SLC2A9: variants seen among roughly 807,000 people sequenced by gnomAD.
SLC2A9 encodes solute carrier family 2, facilitated glucose transporter member 9.
Under a neutral mutation model 50.6 loss-of-function variants are expected in SLC2A9, and 39 were observed. That is an observed-to-expected ratio of 0.77 (90% confidence interval 0.60 to 1.01). SLC2A9 has a LOEUF of 1.01. SLC2A9 is among the 50% of genes least tolerant of loss of function. The pLI, the probability that SLC2A9 is intolerant of heterozygous loss-of-function variation, is 0.00. For synonymous variants in SLC2A9, 324 were observed against 276.9 expected (o/e 1.17, Z -1.69); for missense variants, 686 against 677.6 (o/e 1.01, Z -0.14).
At chr4:9,861,197 C>T (rs796838930) in intron 10 of SLC2A9, among the ~76,000 whole-genome samples, 10 of 152,074 alleles carry the variant, frequency 6.6e-5, no homozygotes, top group African/African-American at 1.7e-4. Flanking sequence ...TCAGCTTCTG[C>T]GGAGGTCTCA....
At chr4:9,942,246 G>A (rs1748292711) in intron 5 of SLC2A9, among the ~76,000 whole-genome samples, 1 of 152,218 alleles carries the variant, frequency 6.6e-6, no homozygotes, top group African/African-American at 2.4e-5. Context: ...TGAGTCCAGA[G>A]ACTCCTCAAG....
chr4:9,793,699 T>C (rs1720249439), intron 3 of SLC2A9, among the ~76,000 whole-genome samples: 1 of 152,178 alleles, frequency 6.6e-6, no homozygotes, highest in Admixed American at 6.5e-5. Context: ...GGTTTTGGTA[T>C]TTCATGAAAG....
Position 9,959,383 on chromosome 4 carries a change from G to A in SLC2A9, c.682-17338C>T, listed in dbSNP as rs75420610. 1.6e-3 allele frequency among the ~76,000 whole-genome samples: 212 copies of A among 128,724 alleles called. No homozygotes were observed. The East Asian group carries it at 0.02, about 12-fold the overall frequency. 84.4% of individuals were successfully genotyped at this position (128,724 alleles called of 152,430 possible). A position where few individuals can be genotyped will look rare whatever the true frequency, so the allele number is the denominator to read the frequency against. ...CTGCACTCTAGCCTCGGAGATACACGAAACTCTGTCTCAAAAAAAAAAAAA... is the reference window on the plus strand; with the variant it reads ...CTGCACTCTAGCCTCGGAGATACACAAAACTCTGTCTCAAAAAAAAAAAAA... On this transcript the variant is annotated intron_variant, in intron 5 of 11. Transcript: ENST00000264784.
chr4:9,892,372 G>T (rs955046019), intron 8 of SLC2A9, among the ~76,000 whole-genome samples: 1 of 152,192 alleles, frequency 6.6e-6, no homozygotes, highest in African/African-American at 2.4e-5. Flanking sequence ...AAGCATCCAA[G>T]ACTTCTGGTC....
In SLC2A9 at chr4:9,942,062, T is replaced by C. The variant is rs1486858440; in HGVS notation, c.682-17A>G. On this transcript the variant is annotated splice_polypyrimidine_tract_variant and intron_variant, in intron 5 of 11. Coordinates refer to ENST00000264784, the MANE Select transcript of SLC2A9 (RefSeq NM_020041.3). ...GGTACTCTCCTGTGGGAGAAGGAGA[T>C]GCTGCTGAGTGCAGTGGCCTTTGGT... 2 of 1,613,622 alleles carry C rather than the reference T, an allele frequency of 1.2e-6. No homozygotes were observed. The highest frequency in any genetic ancestry group is 1.7e-6 in the Non-Finnish European group (2 of 1,179,798).
chr4:9,937,758 G>T (rs556156954), intron 6 of SLC2A9, among the ~76,000 whole-genome samples: 1 of 152,238 alleles, frequency 6.6e-6, no homozygotes, highest in African/African-American at 2.4e-5. Context: ...AGCAGGGCCT[G>T]AAGAGCCAGC....
chr4:9,870,776 T>G (rs577162150), intron 10 of SLC2A9, among the ~76,000 whole-genome samples: 9 of 152,328 alleles, frequency 5.9e-5, no homozygotes, highest in Admixed American at 1.3e-4. Flanking sequence ...ACCTAAACTA[T>G]GTGCCATGAG....
At chr4:9,802,618 A>T (rs1577328642) in intron 3 of SLC2A9, among the ~76,000 whole-genome samples, 1 of 146,472 alleles carries the variant, frequency 6.8e-6, no homozygotes, top group South Asian at 2.2e-4. Flanking sequence ...CTGGAGTGCA[A>T]TGGTGTGATC....
At chr4:9,829,949 G>A (rs1237484666) in intron 11 of SLC2A9, among the ~76,000 whole-genome samples, 3 of 152,220 alleles carry the variant, frequency 2.0e-5, no homozygotes, top group Non-Finnish European at 4.4e-5. Flanking sequence ...GTGAAAAACA[G>A]CATGGTGATT....
chr4:10,002,468 A>G (rs1760014865), intron 2 of SLC2A9, among the ~76,000 whole-genome samples: 1 of 152,236 alleles, frequency 6.6e-6, no homozygotes, highest in South Asian at 2.1e-4. Context: ...TTCAGGGCAC[A>G]AATACAACTG....
At chr4:9,870,998 C>G (rs538006173) in intron 10 of SLC2A9, among the ~76,000 whole-genome samples, 1 of 152,140 alleles carries the variant, frequency 6.6e-6, no homozygotes, top group Admixed American at 6.5e-5. Context: ...CTCATTGCAA[C>G]CTTCAACTCC....
intron 3 of SLC2A9, among the ~76,000 whole-genome samples, chr4:9,818,203 C>A (rs971695366): frequency 1.3e-5 from 2 of 150,524 alleles, no homozygotes; most frequent in African/African-American, 5.0e-5. Flanking sequence ...CCATCTGACA[C>A]GCTGTATGGG....
intron 8 of SLC2A9, among the ~76,000 whole-genome samples, chr4:9,903,374 GCA>G (rs1412822647): frequency 1.3e-5 from 2 of 151,776 alleles, no homozygotes; most frequent in Non-Finnish European, 2.9e-5. Context: ...ATTTGTAAAA[GCA>G]CAGAGTCTGT....
chr4:9,915,278 C>A (rs1033805638), intron 7 of SLC2A9, among the ~76,000 whole-genome samples: 1 of 152,224 alleles, frequency 6.6e-6, no homozygotes, highest in Non-Finnish European at 1.5e-5. Context: ...GCTCTTGTTG[C>A]CCAGGCTGGA....
chr4:10,017,389 A>G lies in SLC2A9; in HGVS notation c.249+1586T>C, dbSNP rs551405994. Among the ~76,000 whole-genome samples the G allele has an allele frequency of 4.4e-3, 665 of 152,316 alleles. 6 individuals carry two copies. The highest frequency in any genetic ancestry group is 0.015 in the African/African-American group (637 of 41,554). On this transcript the variant is annotated intron_variant, in intron 2 of 11. Transcript: ENST00000264784. ...CCCTCTTTCAAAGACAAATATCGAC[A>G]AGCCAGATCCCCATCTTGGAATGAC...
chr4:9,864,614 G>T (rs905036686), intron 10 of SLC2A9, among the ~76,000 whole-genome samples: 2 of 152,226 alleles, frequency 1.3e-5, no homozygotes, highest in Non-Finnish European at 2.9e-5. Context: ...AGGTCACACA[G>T]CTGTTAAGCA....
At chr4:9,983,899 A>G (rs974795389) in intron 4 of SLC2A9, among the ~76,000 whole-genome samples, 2 of 152,202 alleles carry the variant, frequency 1.3e-5, no homozygotes, top group African/African-American at 4.8e-5. Context: ...CTGACTCCAT[A>G]GTCTTCACCC....
chr4:9,775,550 G>A (rs994067974), downstream of SLC2A9, among the ~76,000 whole-genome samples: 9 of 152,020 alleles, frequency 5.9e-5, no homozygotes, highest in African/African-American at 2.2e-4. Context: ...GACCATGGGG[G>A]TAGATCCCCC....
rs563250491 is a variant in SLC2A9 at position 9,992,455 on chromosome 4, G to T, written c.410+4326C>A. Among the ~76,000 whole-genome samples the T allele has an allele frequency of 2.0e-4, 30 of 152,322 alleles. No homozygotes were observed. In the South Asian group the frequency reaches 3.9e-3, roughly 20 times the overall value. On this transcript the variant is annotated intron_variant, in intron 3 of 11. Coordinates refer to ENST00000264784, the MANE Select transcript of SLC2A9 (RefSeq NM_020041.3). ...GATGCTAGTAGCACCCTTGAGTTATGAAAACCAGAAACATCTCCTGGCATT... is the reference window on the plus strand; with the variant it reads ...GATGCTAGTAGCACCCTTGAGTTATTAAAACCAGAAACATCTCCTGGCATT...
Sources: gnomAD v4.1 joint callset for allele counts (sites outside exome capture counted in the v4.1 genomes callset) on GRCh38, gnomAD v4.1.1 for gene constraint, MANE v1.5 for transcripts, NCBI Gene and HGNC (gene_info 2026-07-23, HGNC 2026-07-21) for gene names.